SPAG1: variants seen among roughly 807,000 people sequenced by gnomAD.
The protein encoded by SPAG1 is sperm-associated antigen 1.
A neutral mutation model predicts 100.5 loss-of-function variants in SPAG1; 69 were observed. The observed-to-expected ratio is 0.69, with a 90% CI of 0.57 to 0.84. The LOEUF is 0.84. Among genes scored for constraint, SPAG1 ranks in the 40% least tolerant of loss-of-function variants. The pLI is 0.00. For synonymous variants in SPAG1, 336 were observed against 411.6 expected (o/e 0.82, Z 2.22); for missense variants, 955 against 1,133.1 (o/e 0.84, Z 2.26).
intron 10 of SPAG1, among the ~76,000 whole-genome samples, chr8:100,204,963 C>T (rs1446774281): frequency 6.6e-6 from 1 of 152,168 alleles, no homozygotes; most frequent in African/African-American, 2.4e-5. Context: ...AAGCAGCAAT[C>T]AGAATAGTCT....
rs769344647 is a variant in SPAG1, at chr8:100,177,909, C to A, written c.394C>A (p.Arg132Ser). The change falls in exon 4 of 19, where the codon CGT (arginine) becomes AGT (serine). Residue 132 changes from arginine (R) to serine (S), a missense_variant. Coordinates refer to ENST00000388798, the MANE Select transcript of SPAG1 (RefSeq NM_003114.5). Reference protein sequence around the residue: ...PAMKDNLPPVRGSNSCLHVGK... With the variant: ...PAMKDNLPPVSGSNSCLHVGK... ...AATGAAAGATAATTTGCCTCCAGTT[C>A]GTGGTTCAAACAGCTGTCTTCATGT... 1.2e-5 allele frequency: 20 copies of A among 1,611,922 alleles called. No homozygotes were observed. The South Asian group carries it at 2.1e-4, about 17-fold the overall frequency.
intron 13 of SPAG1, among the ~76,000 whole-genome samples, chr8:100,224,802 C>T (rs1433191152): frequency 1.3e-5 from 2 of 152,064 alleles, no homozygotes; most frequent in Non-Finnish European, 2.9e-5. Flanking sequence ...AAGAGTAATA[C>T]ATTATCAATT....
At chr8:100,205,426 T>C (rs1817465298) in intron 10 of SPAG1, among the ~76,000 whole-genome samples, 1 of 151,982 alleles carries the variant, frequency 6.6e-6, no homozygotes. Context: ...ACTTAGGGAG[T>C]TCAGGTAATT....
In SPAG1 at chr8:100,239,206, A is replaced by G. The variant is rs1409112454; in HGVS notation, c.2116-34A>G. On this transcript the variant is annotated intron_variant, in intron 16 of 18. Coordinates refer to ENST00000388798, the MANE Select transcript of SPAG1 (RefSeq NM_003114.5). The surrounding 1 kb of genome is among the most constrained non-coding windows in gnomAD (Gnocchi z 5.0). ...AGGTTACTCTAGGCTCCTTCTATTT[A>G]TGAAAGTTATTTTCTCTGTCTTCCT... 10 of 1,397,084 alleles carry G rather than the reference A, an allele frequency of 7.2e-6. No individual in the cohort carries two copies. In the South Asian group the frequency reaches 1.3e-4, roughly 18 times the overall value. 86.5% of individuals were successfully genotyped at this position (1,397,084 alleles called of 1,614,324 possible).
At chr8:100,199,146 T>C (rs2132304645) in intron 10 of SPAG1, among the ~76,000 whole-genome samples, 1 of 152,358 alleles carries the variant, frequency 6.6e-6, no homozygotes, top group Admixed American at 6.5e-5. Context: ...TGGAGTGGAA[T>C]TGCTGGATGA....
chr8:100,164,904 A>G (rs1047913644), intron 2 of SPAG1, among the ~76,000 whole-genome samples: 2 of 152,216 alleles, frequency 1.3e-5, no homozygotes, highest in South Asian at 4.1e-4. Flanking sequence ...AAGATTCAGT[A>G]AGTTTTAATG....
At chr8:100,168,283 C>T (rs891277702) in intron 3 of SPAG1, among the ~76,000 whole-genome samples, 4 of 152,218 alleles carry the variant, frequency 2.6e-5, no homozygotes, top group Admixed American at 6.5e-5. Flanking sequence ...TTTTAATTTG[C>T]GTATCTCTAG....
chr8:100,165,380 TA>T, intron 2 of SPAG1: 1 of 486,330 alleles, frequency 2.1e-6, no homozygotes, highest in Non-Finnish European at 4.2e-6. Context: ...TTGCAAACTG[TA>T]AGACTGCTGT....
intron 10 of SPAG1, among the ~76,000 whole-genome samples, chr8:100,201,557 C>G (rs1278354675): frequency 4.6e-5 from 7 of 152,082 alleles, no homozygotes; most frequent in African/African-American, 1.7e-4. Context: ...GTGTGTATAT[C>G]CATATATATA....
intron 6 of SPAG1, 141 bp downstream of exon 6, chr8:100,184,203 C>T (rs1441291140): frequency 1.6e-5 from 7 of 445,220 alleles, no homozygotes; most frequent in Non-Finnish European, 1.6e-5. Flanking sequence ...CAGTTGACCA[C>T]TCAACAAATT....
chr8:100,187,481 T>TA (rs1296918284), intron 8 of SPAG1, among the ~76,000 whole-genome samples: 4 of 152,094 alleles, frequency 2.6e-5, no homozygotes, highest in Non-Finnish European at 5.9e-5. Flanking sequence ...TACATATATA[T>TA]TTTAAAGAAG....
intron 13 of SPAG1, among the ~76,000 whole-genome samples, chr8:100,221,639 G>A (rs1047292187): frequency 6.6e-6 from 1 of 152,210 alleles, no homozygotes; most frequent in African/African-American, 2.4e-5. Context: ...CTAGAATATA[G>A]TTGGGTAGAA....
At chr8:100,213,792 C>T (rs768702788) in intron 11 of SPAG1, 27 bp from the exon 12 acceptor site, 3 of 1,357,028 alleles carry the variant, frequency 2.2e-6, no homozygotes, top group African/African-American at 2.9e-5. Context: ...TGGATTTTAA[C>T]TGTATTTAAT....
At chr8:100,194,376 G>C in intron 10 of SPAG1, 108 bp downstream of exon 10, 3 of 1,464,172 alleles carry the variant, frequency 2.0e-6, no homozygotes, top group Non-Finnish European at 2.8e-6. Context: ...AGTTTTTCTA[G>C]CTTTGCCTTG....
intron 3 of SPAG1, among the ~76,000 whole-genome samples, chr8:100,175,088 C>T (rs1398641590): frequency 2.0e-5 from 3 of 151,410 alleles, no homozygotes; most frequent in Admixed American, 6.6e-5. Flanking sequence ...TGGGCTCAAG[C>T]GATCCTCCTG....
intron 1 of SPAG1, among the ~76,000 whole-genome samples, chr8:100,161,966 C>T (rs1368876652): frequency 6.6e-6 from 1 of 152,200 alleles, no homozygotes; most frequent in Non-Finnish European, 1.5e-5. Flanking sequence ...TAACGTCTTC[C>T]TCCTCGGTTC....
Position 100,184,057 on chromosome 8 carries a change from C to T in SPAG1, c.590C>T (p.Thr197Ile), listed in dbSNP as rs1295356619. 2.2e-6 allele frequency: 3 copies of T among 1,372,832 alleles called. No individual in the cohort carries two copies. The East Asian group carries it at 7.6e-5, about 35-fold the overall frequency. 85.0% of individuals were successfully genotyped at this position (1,372,832 alleles called of 1,614,324 possible). The change falls in exon 6 of 19, where the codon ACA (threonine) becomes ATA (isoleucine). Residue 197 changes from threonine (T) to isoleucine (I), a missense_variant. By Grantham distance (89) the Thr-to-Ile change is moderately conservative. Coordinates refer to ENST00000388798, the MANE Select transcript of SPAG1 (RefSeq NM_003114.5). ...HLSKIETRID[T>I]AGLTEKEKDF... The stretch of plus-strand genomic sequence containing the variant: ...TCTAAAATTGAGACAAGAATAGATA[C>T]AGCAGGTAATTGGAGAAAAAATAAT...
rs867720698 is a variant in SPAG1, at chr8:100,213,092, C to A, written c.1099C>A (p.Pro367Thr). 6.8e-7 allele frequency: 1 copy of A among 1,469,740 alleles called. No homozygotes were observed. 91.0% of individuals were successfully genotyped at this position (1,469,740 alleles called of 1,614,324 possible). The change falls in exon 11 of 19, where the codon CCC becomes ACC. Residue 367 changes from proline to threonine, a missense_variant and splice_region_variant. By Grantham distance (38) the Pro-to-Thr change is conservative. Transcript: ENST00000388798. The part of the protein sequence containing the change: ...KHEDGGGDKK[P>T]AEPAGAARAA... ...TTCCCGCATCCACTTCCTCACAGAG[C>A]CCGCGGAGCCGGCGGGAGCCGCGCG...
chr8:100,227,136 C>T (rs539194590), intron 14 of SPAG1, among the ~76,000 whole-genome samples: 42 of 152,334 alleles, frequency 2.8e-4, no homozygotes, highest in African/African-American at 7.9e-4. Flanking sequence ...AATTGCCCAA[C>T]GACAAATTTC....
Sources: gnomAD v4.1 joint callset for allele counts (sites outside exome capture counted in the v4.1 genomes callset) on GRCh38, gnomAD v4.1.1 for gene constraint, Gnocchi (gnomAD v3.1) non-coding constraint, MANE v1.5 for transcripts, NCBI Gene and HGNC (gene_info 2026-07-23, HGNC 2026-07-21) for gene names.